The following MRAS variants were observed in gnomAD, a reference collection of about 807,000 sequenced individuals.
MRAS encodes the protein ras-related protein M-Ras.
In MRAS, 4 loss-of-function variants were observed where a neutral mutation model predicts 20.9. The observed-to-expected ratio is 0.19, with a 90% CI of 0.09 to 0.44. MRAS has a LOEUF of 0.44. MRAS is among the 20% of genes least tolerant of loss of function. The pLI is 0.99. For synonymous variants in MRAS, 98 were observed against 102.9 expected (o/e 0.95, Z 0.29); for missense variants, 154 against 277.5 (o/e 0.56, Z 3.16).
intron 1 of MRAS, among the ~76,000 whole-genome samples, chr3:138,355,959 A>C (rs1254242972): frequency 6.6e-6 from 1 of 152,110 alleles, no homozygotes; most frequent in East Asian, 1.9e-4. Context: ...GCACCACCAG[A>C]TCCTTTTCCC....
At chr3:138,392,134 C>T (rs2055144266) in intron 2 of MRAS, among the ~76,000 whole-genome samples, 1 of 151,922 alleles carries the variant, frequency 6.6e-6, no homozygotes, top group Non-Finnish European at 1.5e-5. Flanking sequence ...AAGACTCCAT[C>T]TCAAAAAAAC....
chr3:138,349,434 A>G (rs2054182631), intron 1 of MRAS: 1 of 152,326 alleles, frequency 6.6e-6, no homozygotes, highest in South Asian at 2.1e-4. Context: ...AGGGGTCCCT[A>G]CTGCAGAGTG....
intron 1 of MRAS, among the ~76,000 whole-genome samples, chr3:138,352,787 G>A (rs2054254537): frequency 6.6e-6 from 1 of 152,108 alleles, no homozygotes; most frequent in East Asian, 1.9e-4. Context: ...TAGTGGCCAA[G>A]CAAAGGAGGG....
At chr3:138,385,366 C>CT (rs1560179443) in intron 2 of MRAS, among the ~76,000 whole-genome samples, 1 of 150,666 alleles carries the variant, frequency 6.6e-6, no homozygotes, top group Non-Finnish European at 1.5e-5. Flanking sequence ...AGACTGGTCT[C>CT]AAACTCCAGG....
At chr3:138,362,801 T>C (rs2054476613) in intron 1 of MRAS, among the ~76,000 whole-genome samples, 1 of 152,084 alleles carries the variant, frequency 6.6e-6, no homozygotes. Context: ...GTGCGTGGTA[T>C]AGGGATACAA....
At chr3:138,371,474 G>A (rs945589488) in intron 1 of MRAS, among the ~76,000 whole-genome samples, 1 of 152,140 alleles carries the variant, frequency 6.6e-6, no homozygotes, top group Non-Finnish European at 1.5e-5. Flanking sequence ...CCCAAGTAGC[G>A]GCGGAGCACA....
At chr3:138,377,229 A>AT (rs1359910847) in intron 2 of MRAS, among the ~76,000 whole-genome samples, 5 of 152,224 alleles carry the variant, frequency 3.3e-5, no homozygotes, top group Non-Finnish European at 7.3e-5. Context: ...GATTTAGGGC[A>AT]TTGCCCACCC....
intron 1 of MRAS, among the ~76,000 whole-genome samples, chr3:138,358,335 A>T (rs4678413): frequency 2.5e-4 from 9 of 36,666 alleles, no homozygotes; most frequent in Non-Finnish European, 4.1e-4. Flanking sequence ...AGACTCTCTC[A>T]AAAAAAAAAA....
intron 1 of MRAS, among the ~76,000 whole-genome samples, chr3:138,365,202 A>G (rs1419255382): frequency 6.6e-6 from 1 of 152,184 alleles, no homozygotes. Flanking sequence ...AAATATTCCA[A>G]CAGCATCTGA....
At chr3:138,360,952 T>G (rs1056453113) in intron 1 of MRAS, among the ~76,000 whole-genome samples, 1 of 152,176 alleles carries the variant, frequency 6.6e-6, no homozygotes, top group Non-Finnish European at 1.5e-5. Flanking sequence ...AGGTCAGAGA[T>G]ATGGCCTTGG....
At chr3:138,353,935 C>G (rs142679063) in intron 1 of MRAS, among the ~76,000 whole-genome samples, 18 of 152,230 alleles carry the variant, frequency 1.2e-4, no homozygotes, top group African/African-American at 4.3e-4. Flanking sequence ...GTGCATGCTC[C>G]TTCCGTTAGA....
chr3:138,354,303 A>G (rs2054287141), intron 1 of MRAS, among the ~76,000 whole-genome samples: 2 of 152,296 alleles, frequency 1.3e-5, no homozygotes, highest in East Asian at 1.9e-4. Context: ...ATTACCCAAG[A>G]TGAACAGATG....
At chr3:138,356,176 G>C (rs1475130593) in intron 1 of MRAS, among the ~76,000 whole-genome samples, 1 of 152,208 alleles carries the variant, frequency 6.6e-6, no homozygotes, top group Non-Finnish European at 1.5e-5. Context: ...ACAAGTTTGG[G>C]TTTAAAAAGA....
intron 2 of MRAS, among the ~76,000 whole-genome samples, chr3:138,391,578 G>A (rs867272299): frequency 2.6e-5 from 4 of 152,070 alleles, no homozygotes; most frequent in African/African-American, 9.7e-5. Context: ...CAAAATTCTC[G>A]GAAATATTGT....
At chr3:138,353,308 T>C (rs1338415878) in intron 1 of MRAS, among the ~76,000 whole-genome samples, 1 of 152,174 alleles carries the variant, frequency 6.6e-6, no homozygotes, top group Admixed American at 6.5e-5. Context: ...AAGCTAGTTA[T>C]AGTACAATAG....
intron 2 of MRAS, among the ~76,000 whole-genome samples, chr3:138,376,052 T>C (rs951696341): frequency 2.6e-5 from 4 of 152,172 alleles, no homozygotes; most frequent in African/African-American, 4.8e-5. Context: ...TTATATACTT[T>C]TAAAGTATTA....
chr3:138,371,931 C>T (rs761453360), intron 1 of MRAS, among the ~76,000 whole-genome samples: 1 of 152,098 alleles, frequency 6.6e-6, no homozygotes, highest in Non-Finnish European at 1.5e-5. Flanking sequence ...ACACTGTTTA[C>T]AAAGGTCACT....
chr3:138,358,332 CT>C (rs767469358), intron 1 of MRAS, among the ~76,000 whole-genome samples: 2 of 138,742 alleles, frequency 1.4e-5, no homozygotes, highest in African/African-American at 5.6e-5. Context: ...ACAAGACTCT[CT>C]CAAAAAAAAA....
chr3:138,360,064 TCTC>T (rs373530357), intron 1 of MRAS, among the ~76,000 whole-genome samples: 6 of 152,274 alleles, frequency 3.9e-5, no homozygotes, highest in African/African-American at 1.4e-4. Flanking sequence ...GTGTCAGTAA[TCTC>T]CTGTTTGCAC....
Sources: gnomAD v4.1 joint callset for allele counts (sites outside exome capture counted in the v4.1 genomes callset) on GRCh38, gnomAD v4.1.1 for gene constraint, MANE v1.5 for transcripts, NCBI Gene and HGNC (gene_info 2026-07-23, HGNC 2026-07-21) for gene names.